Variants in SLC35D2 observed in about 807,000 individuals in gnomAD.
SLC35D2 encodes solute carrier family 35 member D2.
A neutral mutation model predicts 41.8 loss-of-function variants in SLC35D2; 43 were observed. The observed-to-expected ratio is 1.03, with a 90% CI of 0.81 to 1.33. The LOEUF is 1.33. SLC35D2 is among the 40% of genes most tolerant of loss of function. The pLI is 0.00. For synonymous variants in SLC35D2, 150 were observed against 163.9 expected, an observed-to-expected ratio of 0.92 and a Z score of 0.65; for missense variants, 380 against 408.4, an observed-to-expected ratio of 0.93 and a Z score of 0.60.
intron 1 of SLC35D2, among the ~76,000 whole-genome samples, chr9:96,371,984 C>A (rs1830719322): frequency 6.6e-6 from 1 of 151,966 alleles, no homozygotes; most frequent in Admixed American, 6.6e-5. Flanking sequence ...CCTCGGCCTC[C>A]CAAAGTGCTG....
At position 96,321,339 on chromosome 9, in the gene SLC35D2, A is replaced by G. The variant is rs1204208354; in HGVS notation, c.917T>C (p.Met306Thr). The G allele has an allele frequency of 5.0e-6, 8 of 1,612,134 alleles. No homozygotes were observed. Among genetic ancestry groups the G allele is most frequent in the Non-Finnish European group, 6.8e-6 (8 of 1,178,594 alleles). ...LLNFVGLNIC[M>T]AGGLRYSFLT... ...AAAGGAATATCTCAAGCCCCCTGCC[A>G]TGCTGAAAGGAGAAAAAAAAGTGAA... is the stretch of plus-strand genomic sequence containing the variant. Residue 306 changes from methionine to threonine, a missense_variant and splice_region_variant, in exon 12 of 12, where the codon ATG becomes ACG. Transcript: ENST00000253270.
chr9:96,380,845 G>A (rs1455301515), intron 1 of SLC35D2, among the ~76,000 whole-genome samples: 1 of 152,012 alleles, frequency 6.6e-6, no homozygotes, highest in Non-Finnish European at 1.5e-5. Context: ...TCCAGGTTTA[G>A]GTACAGTATG....
chr9:96,352,022 G>A lies in SLC35D2; in HGVS notation c.419+16C>T. ...GTGGGAGGCACACTGGAAGAATGGAGGAAAAACAAAATCACCCAAGTATGA... is the reference window on the plus strand; with the variant it reads ...GTGGGAGGCACACTGGAAGAATGGAAGAAAAACAAAATCACCCAAGTATGA... On this transcript the variant is annotated intron_variant, in intron 5 of 11. Transcript: ENST00000253270. The A allele has an allele frequency of 1.3e-6, 2 of 1,587,668 alleles. No individual in the cohort carries two copies. Among genetic ancestry groups the A allele is most frequent in the Admixed American group, 1.7e-5 (1 of 59,422 alleles).
chr9:96,339,887 G>A (rs188916577), intron 8 of SLC35D2, among the ~76,000 whole-genome samples: 243 of 152,280 alleles, frequency 1.6e-3, no homozygotes, highest in Non-Finnish European at 2.6e-3. Flanking sequence ...CCGGAGGAAT[G>A]AGTCACACAC....
intron 1 of SLC35D2, among the ~76,000 whole-genome samples, chr9:96,375,984 A>C (rs1475464431): frequency 6.6e-6 from 1 of 151,914 alleles, no homozygotes; most frequent in Non-Finnish European, 1.5e-5. Flanking sequence ...AATATGGTGA[A>C]ACCCCATCTC....
At chr9:96,373,573 G>A (rs1043223885) in intron 1 of SLC35D2, among the ~76,000 whole-genome samples, 1 of 151,596 alleles carries the variant, frequency 6.6e-6, no homozygotes, top group Non-Finnish European at 1.5e-5. Context: ...TATAATCCCA[G>A]CTACTCGGGA....
chr9:96,383,699 G>A lies in SLC35D2; in HGVS notation c.-65C>T, dbSNP rs1831309462. 1 of 948,768 alleles carries A rather than the reference G, an allele frequency of 1.1e-6. No homozygotes were observed. Among genetic ancestry groups the A allele is most frequent in the Non-Finnish European group, 1.3e-6 (1 of 794,930 alleles). The allele number at this position is 948,768 out of a possible 1,614,324, so 58.8% of individuals were successfully genotyped here. On this transcript the variant is annotated 5_prime_UTR_variant, in exon 1 of 12. Transcript: ENST00000253270. ...GCTGCGCACTGGTCCCGCCCGGCCG[G>A]GCCGGGGAAGAGGGCGCGGCAGGAA...
chr9:96,325,527 A>T (rs1040038991), intron 9 of SLC35D2, among the ~76,000 whole-genome samples: 1 of 152,172 alleles, frequency 6.6e-6, no homozygotes, highest in African/African-American at 2.4e-5. Flanking sequence ...TACTAAAAAT[A>T]CAAAAATTAG....
rs867386792 is a variant in SLC35D2 at position 96,345,402 on chromosome 9, C to T, written c.489-1G>A. ...TTCTAAGTTAAAAGCAAGGTCAGAC[C>T]TGGGAGGGAGACCACAAAGGGAGAA... is the stretch of plus-strand genomic sequence containing the variant. On this transcript the variant is annotated splice_acceptor_variant, in intron 6 of 11. Coordinates refer to ENST00000253270, the MANE Select transcript of SLC35D2 (RefSeq NM_007001.3). LOFTEE classifies it high-confidence loss of function. 6.5e-7 allele frequency: 1 copy of T among 1,547,288 alleles called. No homozygotes were observed. The highest frequency in any genetic ancestry group is 1.1e-5 in the South Asian group (1 of 88,352).
intron 9 of SLC35D2, among the ~76,000 whole-genome samples, chr9:96,327,434 T>C (rs72603665): frequency 0.13 from 20,239 of 151,922 alleles, 1,804 homozygotes; most frequent in East Asian, 0.29. Flanking sequence ...GAAGACATCA[T>C]GGATCTAAGA....
At chr9:96,354,391 T>A (rs995250897) in intron 4 of SLC35D2, among the ~76,000 whole-genome samples, 1 of 152,096 alleles carries the variant, frequency 6.6e-6, no homozygotes, top group Non-Finnish European at 1.5e-5. Context: ...AGAACCACAA[T>A]AAGTGAATCA....
chr9:96,353,416 C>T (rs752601347), intron 4 of SLC35D2, among the ~76,000 whole-genome samples: 7 of 151,986 alleles, frequency 4.6e-5, no homozygotes, highest in Admixed American at 1.3e-4. Context: ...TGCAGTGGCG[C>T]GATCTCAGCT....
chr9:96,343,866 C>G (rs1829448260), intron 8 of SLC35D2, 38 bp downstream of exon 8: 2 of 1,346,860 alleles, frequency 1.5e-6, no homozygotes, highest in African/African-American at 1.5e-5. Flanking sequence ...TTTTTTAAAG[C>G]CAGCTAAGGA....
At position 96,343,939 on chromosome 9, in the gene SLC35D2, G is replaced by A. The variant is rs747290234; in HGVS notation, c.649C>T (p.Leu217Phe). The A allele has an allele frequency of 2.1e-5, 34 of 1,599,118 alleles. 2 individuals are homozygous for A. In the South Asian group the frequency reaches 3.7e-4, roughly 18 times the overall value. ...TCTCCAGTGGAGACACTAATAATAAGAGTTGGGATAATCATGAAGCAGGCA... is the reference window on the plus strand; with the variant it reads ...TCTCCAGTGGAGACACTAATAATAAAAGTTGGGATAATCATGAAGCAGGCA... ...YNACFMIIPT[L>F]IISVSTGDLQ... is the part of the protein sequence containing the mutation. The change falls in exon 8 of 12, where the codon CTT becomes TTT. Residue 217 changes from leucine to phenylalanine, a missense_variant. Leu to Phe is a conservative substitution (Grantham distance 22, BLOSUM62 0). Transcript: ENST00000253270.
chr9:96,331,090 G>GTT (rs1334194374), intron 9 of SLC35D2, among the ~76,000 whole-genome samples: 2 of 152,112 alleles, frequency 1.3e-5, no homozygotes, highest in Non-Finnish European at 2.9e-5. Context: ...TAGAGACAGG[G>GTT]TTTCGCCATG....
intron 8 of SLC35D2, among the ~76,000 whole-genome samples, chr9:96,338,005 A>AAAAAAAAG (rs373089900): frequency 3.8e-5 from 4 of 104,796 alleles, no homozygotes; most frequent in African/African-American, 4.3e-5. Flanking sequence ...AAAAAAAAAA[A>AAAAAAAAG]CTCAATTTCT....
At chr9:96,353,677 G>C (rs1196745048) in intron 4 of SLC35D2, among the ~76,000 whole-genome samples, 1 of 152,148 alleles carries the variant, frequency 6.6e-6, no homozygotes, top group Non-Finnish European at 1.5e-5. Flanking sequence ...TGTGTTAAAA[G>C]GTAGATTATG....
chr9:96,316,262 AG>A (rs1409581418), downstream of SLC35D2, among the ~76,000 whole-genome samples: 1 of 152,186 alleles, frequency 6.6e-6, no homozygotes, highest in Non-Finnish European at 1.5e-5. Flanking sequence ...GCACTTTGGG[AG>A]GCTGAGGCAG....
downstream of SLC35D2, among the ~76,000 whole-genome samples, chr9:96,316,504 G>C (rs548262808): frequency 6.6e-4 from 100 of 151,484 alleles, no homozygotes; most frequent in African/African-American, 2.2e-3. Flanking sequence ...AAAAAAAAAG[G>C]GGGGGAAGAT....
Sources: gnomAD v4.1 joint callset for allele counts (sites outside exome capture counted in the v4.1 genomes callset) on GRCh38, gnomAD v4.1.1 for gene constraint, MANE v1.5 for transcripts, NCBI Gene and HGNC (gene_info 2026-07-23, HGNC 2026-07-21) for gene names.